The following TGFBR1 variants were observed in gnomAD, a reference collection of about 807,000 sequenced individuals.
TGFBR1 encodes the protein TGF-beta receptor type-1.
In TGFBR1, 20 loss-of-function variants were observed where a neutral mutation model predicts 55.1. The ratio of observed to expected loss-of-function variants is 0.36; its 90% CI spans 0.26 to 0.53. The LOEUF is 0.53. TGFBR1 is among the 20% of genes least tolerant of loss of function. The probability of loss-of-function intolerance (pLI) is 0.91; values close to 1 mark genes in which losing one functional copy is unlikely to be tolerated. For synonymous variants in TGFBR1, 220 were observed against 214.8 expected (o/e 1.02, Z -0.21); for missense variants, 385 against 617.6 (o/e 0.62, Z 3.99).
chr9:99,118,708 T>C (rs1303807886), intron 1 of TGFBR1, among the ~76,000 whole-genome samples: 1 of 150,500 alleles, frequency 6.6e-6, no homozygotes, highest in East Asian at 1.9e-4. Flanking sequence ...TGCTGTGGCC[T>C]GATCATGGCT....
intron 5 of TGFBR1, among the ~76,000 whole-genome samples, 191 bp from the exon 6 acceptor site, chr9:99,144,541 A>G (rs1172395161): frequency 2.0e-5 from 3 of 152,180 alleles, no homozygotes; most frequent in Non-Finnish European, 4.4e-5. Context: ...CATTTTCTTT[A>G]AAGAAATATA....
Position 99,147,696 on chromosome 9 carries a change from C to A in TGFBR1, c.1298C>A (p.Pro433His). The part of the protein sequence containing the change: ...DYQLPYYDLV[P>H]SDPSVEEMRK... Reference sequence around the variant, plus strand: ...CAACTGCCTTATTATGATCTTGTACCTTCTGACCCATCAGTTGAAGAAATG... The same window carrying A: ...CAACTGCCTTATTATGATCTTGTACATTCTGACCCATCAGTTGAAGAAATG... The change falls in exon 8 of 9, where the codon CCT (proline) becomes CAT (histidine). Residue 433 changes from proline (P) to histidine (H), a missense_variant. Transcript: ENST00000374994. 1 of 1,613,580 alleles carries A rather than the reference C, an allele frequency of 6.2e-7. No homozygotes were observed. Among genetic ancestry groups the A allele is most frequent in the South Asian group, 1.1e-5 (1 of 91,072 alleles).
At chr9:99,115,706 C>T (rs1826715330) in intron 1 of TGFBR1, among the ~76,000 whole-genome samples, 1 of 152,094 alleles carries the variant, frequency 6.6e-6, no homozygotes, top group Non-Finnish European at 1.5e-5. Flanking sequence ...GATTTGAGTA[C>T]TTTCTCCAGT....
At chr9:99,127,097 G>A (rs1341950053) in intron 1 of TGFBR1, among the ~76,000 whole-genome samples, 3 of 152,108 alleles carry the variant, frequency 2.0e-5, no homozygotes, top group Non-Finnish European at 4.4e-5. Context: ...TTACAGTCAT[G>A]GTTATAGTGT....
chr9:99,135,245 C>T (rs1057514500), intron 3 of TGFBR1, among the ~76,000 whole-genome samples: 1 of 152,104 alleles, frequency 6.6e-6, no homozygotes, highest in Non-Finnish European at 1.5e-5. Context: ...TGAATTCCCT[C>T]CAAACCTATC....
intron 1 of TGFBR1, among the ~76,000 whole-genome samples, chr9:99,124,066 C>T (rs1826967842): frequency 6.6e-6 from 1 of 152,080 alleles, no homozygotes; most frequent in Admixed American, 6.6e-5. Context: ...GGATGAAATC[C>T]TGCCACTGAG....
chr9:99,146,066 T>G, intron 6 of TGFBR1: 1 of 276,644 alleles, frequency 3.6e-6, no homozygotes. Context: ...GAAGCTTCAG[T>G]ATGAGGACTG....
Position 99,149,541 on chromosome 9 carries a change from C to CTT in TGFBR1, c.*237_*238insTT. The stretch of plus-strand genomic sequence containing the variant: ...TTTCCCAGGACAGAAAATGTGTAGT[C>CTT]TACCTTTATTTTTTATTAACAAAAC... On this transcript the variant is annotated 3_prime_UTR_variant, in exon 9 of 9. Coordinates refer to ENST00000374994, the MANE Select transcript of TGFBR1 (RefSeq NM_004612.4). 1 of 494,838 alleles carries CTT rather than the reference C, an allele frequency of 2.0e-6. No homozygotes were observed. 30.7% of individuals were successfully genotyped at this position (494,838 alleles called of 1,614,324 possible).
chr9:99,127,982 AAAAC>A (rs891805894), intron 1 of TGFBR1: 12 of 456,066 alleles, frequency 2.6e-5, no homozygotes, highest in African/African-American at 2.0e-4. Flanking sequence ...AGGAGAAAGA[AAAAC>A]AAAACTAGCA....
At chr9:99,105,709 G>C (rs1245573409) in intron 1 of TGFBR1, among the ~76,000 whole-genome samples, 1 of 152,152 alleles carries the variant, frequency 6.6e-6, no homozygotes, top group Non-Finnish European at 1.5e-5. Flanking sequence ...TGGGCACGGC[G>C]TGACCTTGTT....
chr9:99,151,156 T>C lies in TGFBR1; in HGVS notation c.*1851T>C, dbSNP rs1190036872. 2.2e-5 allele frequency: 5 copies of C among 229,500 alleles called. No homozygotes were observed. Among genetic ancestry groups the C allele is most frequent in the African/African-American group, 1.1e-4 (5 of 45,288 alleles). The allele number at this position is 229,500 out of a possible 1,614,324, so 14.2% of individuals were successfully genotyped here. A position where few individuals can be genotyped will look rare whatever the true frequency, so the allele number is the denominator to read the frequency against. On this transcript the variant is annotated 3_prime_UTR_variant, in exon 9 of 9. Coordinates refer to ENST00000374994, the MANE Select transcript of TGFBR1 (RefSeq NM_004612.4). ...TCTTAAAACCAAAGTAATTTTAGAATGAGTGACATATTACATAGGAATTTA... is the reference window on the plus strand; with the variant it reads ...TCTTAAAACCAAAGTAATTTTAGAACGAGTGACATATTACATAGGAATTTA...
intron 1 of TGFBR1, among the ~76,000 whole-genome samples, chr9:99,116,253 T>C (rs1289308073): frequency 1.3e-5 from 2 of 151,840 alleles, no homozygotes; most frequent in Non-Finnish European, 2.9e-5. Flanking sequence ...TCCAGCCTGC[T>C]CTTGCCTTAC....
At chr9:99,111,904 C>A (rs1392547679) in intron 1 of TGFBR1, among the ~76,000 whole-genome samples, 1 of 152,160 alleles carries the variant, frequency 6.6e-6, no homozygotes, top group Non-Finnish European at 1.5e-5. Context: ...CTAGCAACCA[C>A]AGGGACTGCT....
chr9:99,128,585 A>G, intron 1 of TGFBR1: 10 of 540,522 alleles, frequency 1.9e-5, no homozygotes, highest in South Asian at 1.5e-4. Flanking sequence ...AACATAACAA[A>G]ATTTTTCTAT....
chr9:99,145,428 A>C (rs1368548113), intron 6 of TGFBR1, among the ~76,000 whole-genome samples: 1 of 152,092 alleles, frequency 6.6e-6, no homozygotes, highest in Non-Finnish European at 1.5e-5. Flanking sequence ...AGCACACTGA[A>C]CTGGGACCGT....
At chr9:99,114,079 G>A (rs1826661189) in intron 1 of TGFBR1, among the ~76,000 whole-genome samples, 1 of 152,172 alleles carries the variant, frequency 6.6e-6, no homozygotes, top group African/African-American at 2.4e-5. Context: ...ATGGCTTCAA[G>A]ATGAGCAGTA....
chr9:99,140,086 G>A (rs1827563811), intron 4 of TGFBR1, among the ~76,000 whole-genome samples: 1 of 152,164 alleles, frequency 6.6e-6, no homozygotes, highest in South Asian at 2.1e-4. Context: ...ATTAAGACGG[G>A]GCAGTGAGGT....
At chr9:99,130,981 AAGACAGTTGGTG>A (rs1431146458) in intron 2 of TGFBR1, among the ~76,000 whole-genome samples, 5 of 152,224 alleles carry the variant, frequency 3.3e-5, no homozygotes, top group Non-Finnish European at 5.9e-5. Context: ...ATTCAGAGAA[AAGACAGTTGGTG>A]AGCATATTAA....
At position 99,129,010 on chromosome 9, in the gene TGFBR1, G is replaced by A. The variant is rs746141820; in HGVS notation, c.253G>A (p.Val85Ile). 6.2e-7 allele frequency: 1 copy of A among 1,613,880 alleles called. No individual in the cohort carries two copies. Among genetic ancestry groups the A allele is most frequent in the Admixed American group, 1.7e-5 (1 of 59,982 alleles). The change falls in exon 2 of 9, where the codon GTA (valine) becomes ATA (isoleucine). Residue 85 changes from valine (V) to isoleucine (I), a missense_variant. Physicochemically the swap from Val to Ile is conservative, Grantham distance 29 (BLOSUM62 3). Coordinates refer to ENST00000374994, the MANE Select transcript of TGFBR1 (RefSeq NM_004612.4). Reference sequence around the variant, plus strand: ...CTTAATTCCTCGAGATAGGCCGTTTGTATGTGCACCCTCTTCAAAAACTGG... The same window carrying A: ...CTTAATTCCTCGAGATAGGCCGTTTATATGTGCACCCTCTTCAAAAACTGG... ...IDLIPRDRPFVCAPSSKTGSV... is the reference protein window; with the variant it reads ...IDLIPRDRPFICAPSSKTGSV...
Sources: gnomAD v4.1 joint callset for allele counts (sites outside exome capture counted in the v4.1 genomes callset) on GRCh38, gnomAD v4.1.1 for gene constraint, MANE v1.5 for transcripts, NCBI Gene and HGNC (gene_info 2026-07-23, HGNC 2026-07-21) for gene names.